TAFA2: variants seen among roughly 807,000 people sequenced by gnomAD.
TAFA2 encodes the protein TAFA chemokine like family member 2, also known as chemokine-like protein TAFA-2.
A neutral mutation model predicts 18.8 loss-of-function variants in TAFA2; 7 were observed. That is an observed-to-expected ratio of 0.37 (90% CI 0.21 to 0.70). The LOEUF is 0.70. Ranked by LOEUF, TAFA2 falls within the 30% of genes least tolerant of loss-of-function variation. TAFA2 has a pLI of 0.53. For synonymous variants in TAFA2, 60 were observed against 54.2 expected (o/e 1.11, Z -0.47); for missense variants, 122 against 158.1 (o/e 0.77, Z 1.23).
At chr12:62,179,949 T>C (rs2062540839) in intron 1 of TAFA2, among the ~76,000 whole-genome samples, 1 of 152,178 alleles carries the variant, frequency 6.6e-6, no homozygotes, top group Non-Finnish European at 1.5e-5. Flanking sequence ...CCCAGTGAAC[T>C]TGATGCAGAT....
At chr12:62,109,513 G>A (rs1396598165) in intron 1 of TAFA2, among the ~76,000 whole-genome samples, 1 of 152,140 alleles carries the variant, frequency 6.6e-6, no homozygotes, top group Non-Finnish European at 1.5e-5. Context: ...CTAATTCTGT[G>A]AAGAAAGTCA....
chr12:62,003,206 G>C (rs1880436459), intron 1 of TAFA2, among the ~76,000 whole-genome samples: 1 of 152,014 alleles, frequency 6.6e-6, no homozygotes, highest in African/African-American at 2.4e-5. Context: ...TGTAAATATG[G>C]ACCTGTCATT....
chr12:61,993,281 C>A (rs1880070997), intron 1 of TAFA2, among the ~76,000 whole-genome samples: 1 of 152,140 alleles, frequency 6.6e-6, no homozygotes, highest in Non-Finnish European at 1.5e-5. Flanking sequence ...ATAAGTCATT[C>A]CAATTTTTAT....
At chr12:61,896,211 A>G (rs1875836297) in intron 1 of TAFA2, among the ~76,000 whole-genome samples, 1 of 152,226 alleles carries the variant, frequency 6.6e-6, no homozygotes, top group Non-Finnish European at 1.5e-5. Context: ...TTTAAAGCCT[A>G]AAACTTAGCC....
intron 1 of TAFA2, among the ~76,000 whole-genome samples, chr12:62,109,749 G>C (rs1869634879): frequency 6.6e-6 from 1 of 152,200 alleles, no homozygotes; most frequent in African/African-American, 2.4e-5. Flanking sequence ...AATTGTGAAT[G>C]GGAGTCCACT....
In TAFA2 at chr12:61,943,514, G is replaced by A. The variant is rs1332360689; in HGVS notation, c.-1-76088C>T. Among the ~76,000 whole-genome samples the A allele has an allele frequency of 2.1e-5, 3 of 144,268 alleles. No individual in the cohort carries two copies. The South Asian group carries it at 6.9e-4, about 33-fold the overall frequency. The allele number at this position is 144,268 out of a possible 152,430, so 94.6% of individuals were successfully genotyped here. A position where few individuals can be genotyped will look rare whatever the true frequency, so the allele number is the denominator to read the frequency against. ...ATTAAAAGACACAGACTGGCAAGTT[G>A]GATAAAGAGTCAAGACCCATCAGTG... On this transcript the variant is annotated intron_variant, in intron 1 of 4. Coordinates refer to ENST00000416284, the MANE Select transcript of TAFA2 (RefSeq NM_178539.5).
intron 1 of TAFA2, among the ~76,000 whole-genome samples, chr12:62,165,672 T>G (rs901252854): frequency 6.6e-6 from 1 of 152,018 alleles, no homozygotes; most frequent in Non-Finnish European, 1.5e-5. Context: ...TCCTCACCCT[T>G]CGTAAGTAAT....
In TAFA2 at chr12:62,191,472, G is replaced by GT. The variant is rs2062624466; in HGVS notation, c.-216_-215insA. The GT allele has an allele frequency of 6.6e-6, 1 of 152,598 alleles. No homozygotes were observed. The highest frequency in any genetic ancestry group is 1.5e-5 in the Non-Finnish European group (1 of 68,348). The allele number at this position is 152,598 out of a possible 1,614,324, so 9.5% of individuals were successfully genotyped here. ...GTGCGAGTGTGCGCGCGCGTGTGTGGATGTGTTTCCTCCTCCGATGGCAAA... is the reference window on the plus strand; with the variant it reads ...GTGCGAGTGTGCGCGCGCGTGTGTGGTATGTGTTTCCTCCTCCGATGGCAAA... On this transcript the variant is annotated 5_prime_UTR_variant, in exon 1 of 5. Coordinates refer to ENST00000416284, the MANE Select transcript of TAFA2 (RefSeq NM_178539.5).
chr12:61,937,211 T>C (rs995867096), intron 1 of TAFA2, among the ~76,000 whole-genome samples: 28 of 152,176 alleles, frequency 1.8e-4, no homozygotes, highest in African/African-American at 6.8e-4. Flanking sequence ...ATAAATATCA[T>C]GAAAATGACC....
At chr12:61,719,658 C>T (rs762606554) in intron 4 of TAFA2, among the ~76,000 whole-genome samples, 1 of 152,112 alleles carries the variant, frequency 6.6e-6, no homozygotes, top group Non-Finnish European at 1.5e-5. Context: ...GGCCTCTGAT[C>T]AATTAAATTA....
intron 1 of TAFA2, among the ~76,000 whole-genome samples, chr12:62,109,128 C>A (rs1869604142): frequency 6.6e-6 from 1 of 152,144 alleles, no homozygotes; most frequent in Non-Finnish European, 1.5e-5. Flanking sequence ...ACGTTTAAGT[C>A]TTTAATTCAT....
intron 4 of TAFA2, among the ~76,000 whole-genome samples, chr12:61,746,503 C>T (rs1312241903): frequency 6.6e-6 from 1 of 152,042 alleles, no homozygotes; most frequent in Non-Finnish European, 1.5e-5. Flanking sequence ...GGATTCTCCC[C>T]AAAGTCTCTG....
chr12:61,712,649 C>A (rs1216834963), intron 4 of TAFA2, among the ~76,000 whole-genome samples: 1 of 152,038 alleles, frequency 6.6e-6, no homozygotes, highest in Non-Finnish European at 1.5e-5. Flanking sequence ...ATTGTCTAAA[C>A]ACACATGGAT....
intron 1 of TAFA2, among the ~76,000 whole-genome samples, chr12:62,241,942 GA>G (rs1378604667): frequency 2.0e-5 from 3 of 152,270 alleles, no homozygotes; most frequent in African/African-American, 7.2e-5. Context: ...TTAACAATTT[GA>G]AGGTCACCAG....
chr12:61,896,474 C>A (rs1875849417), intron 1 of TAFA2, among the ~76,000 whole-genome samples: 2 of 152,216 alleles, frequency 1.3e-5, no homozygotes, highest in Admixed American at 6.5e-5. Flanking sequence ...CAGCACTTGG[C>A]AAGCACTTAG....
chr12:61,920,318 C>G (rs1003952994), intron 1 of TAFA2, among the ~76,000 whole-genome samples: 7 of 152,098 alleles, frequency 4.6e-5, no homozygotes, highest in African/African-American at 1.7e-4. Flanking sequence ...TTGGAGCATC[C>G]TTTATCTCAC....
At chr12:62,250,829 C>G (rs547699428) in intron 1 of TAFA2, among the ~76,000 whole-genome samples, 1 of 152,272 alleles carries the variant, frequency 6.6e-6, no homozygotes, top group Admixed American at 6.5e-5. Context: ...CATAGTTAGG[C>G]TTGTCTCTTG....
At position 61,928,244 on chromosome 12, in the gene TAFA2, T is replaced by A. The variant is rs145487671; in HGVS notation, c.-1-60818A>T. ...AGGCAACCTACAGAATGGGAGAAAA[T>A]TTTTGCAATCTATCCATCTGACAAG... On this transcript the variant is annotated intron_variant, in intron 1 of 4. Coordinates refer to ENST00000416284, the MANE Select transcript of TAFA2 (RefSeq NM_178539.5). 5.5e-3 allele frequency among the ~76,000 whole-genome samples: 837 copies of A among 152,084 alleles called. 10 individuals are homozygous for A. Among genetic ancestry groups the A allele is most frequent in the African/African-American group, 0.019 (788 of 41,466 alleles).
intron 2 of TAFA2, among the ~76,000 whole-genome samples, chr12:61,775,575 T>C (rs1462243670): frequency 1.3e-5 from 2 of 151,826 alleles, no homozygotes; most frequent in Non-Finnish European, 2.9e-5. Context: ...ATTCCAACTA[T>C]ATGCTTTTCT....
Sources: gnomAD v4.1 joint callset for allele counts (sites outside exome capture counted in the v4.1 genomes callset) on GRCh38, gnomAD v4.1.1 for gene constraint, MANE v1.5 for transcripts, NCBI Gene and HGNC (gene_info 2026-07-23, HGNC 2026-07-21) for gene names.